The following ZNF148 variants were observed in gnomAD, a reference collection of about 807,000 sequenced individuals.
ZNF148 encodes zinc finger protein 148, also known as Beta-Enolase Repressor Factor-1.
In ZNF148, 7 loss-of-function variants were observed where a neutral mutation model predicts 67.7. The ratio of observed to expected loss-of-function variants is 0.10; its 90% CI spans 0.06 to 0.19. The LOEUF (loss-of-function observed/expected upper bound fraction) is 0.19, where lower values mean the gene tolerates loss of function less well. Ranked by LOEUF, ZNF148 falls within the 10% of genes least tolerant of loss-of-function variation. ZNF148 has a pLI of 1.00. For synonymous variants in ZNF148, 333 were observed against 330.7 expected (o/e 1.01, Z -0.08); for missense variants, 583 against 947.1 (o/e 0.62, Z 5.05).
intron 2 of ZNF148, among the ~76,000 whole-genome samples, chr3:125,323,736 G>A (rs575841083): frequency 2.6e-5 from 4 of 152,120 alleles, no homozygotes; most frequent in East Asian, 3.9e-4. Context: ...CGAGGCAGGC[G>A]GATCACGAGG....
intron 7 of ZNF148, among the ~76,000 whole-genome samples, chr3:125,240,231 C>G (rs997613608): frequency 1.3e-5 from 2 of 152,092 alleles, no homozygotes; most frequent in East Asian, 1.9e-4. Context: ...CAGCGCCTCA[C>G]GTCTGTCATC....
chr3:125,351,871 A>G (rs1418561462), intron 1 of ZNF148, among the ~76,000 whole-genome samples: 1 of 152,238 alleles, frequency 6.6e-6, no homozygotes, highest in East Asian at 1.9e-4. Context: ...CAGCATAGCT[A>G]TAATCAAAAA....
chr3:125,234,150 CTAATTTA>C (rs1240913230), intron 8 of ZNF148, 54 bp downstream of exon 8: 4 of 1,273,722 alleles, frequency 3.1e-6, no homozygotes, highest in African/African-American at 1.5e-5. Flanking sequence ...ATTTTCTAAT[CTAATTTA>C]TAATTATTGT....
chr3:125,303,049 C>T (rs1939677565), intron 4 of ZNF148, among the ~76,000 whole-genome samples: 1 of 152,204 alleles, frequency 6.6e-6, no homozygotes, highest in Non-Finnish European at 1.5e-5. Flanking sequence ...ATTACTGATA[C>T]ATGCAACAAC....
At chr3:125,281,135 AC>A (rs1420316513) in intron 5 of ZNF148, among the ~76,000 whole-genome samples, 9 of 152,212 alleles carry the variant, frequency 5.9e-5, no homozygotes, top group Non-Finnish European at 7.3e-5. Flanking sequence ...TTCTGGGCAA[AC>A]AGCCAATGTG....
At chr3:125,339,642 G>A (rs946666596) in intron 1 of ZNF148, among the ~76,000 whole-genome samples, 3 of 152,072 alleles carry the variant, frequency 2.0e-5, no homozygotes, top group Non-Finnish European at 4.4e-5. Flanking sequence ...AGTAAACAAG[G>A]CTGTACATTT....
chr3:125,342,001 G>GT lies in ZNF148; in HGVS notation c.-233-10764_-233-10763insA, dbSNP rs1559769653. 5.1e-4 allele frequency among the ~76,000 whole-genome samples: 77 copies of GT among 149,554 alleles called. 1 individual carries two copies. The East Asian group carries it at 0.012, about 23-fold the overall frequency. On this transcript the variant is annotated intron_variant, in intron 1 of 8. Coordinates refer to ENST00000360647, the MANE Select transcript of ZNF148 (RefSeq NM_021964.3). ...CAGAGCCACACTCTGTTTCGGGGCG[G>GT]GGGGGGGAATGGAAATCATGGGGAA...
intron 7 of ZNF148, among the ~76,000 whole-genome samples, chr3:125,254,446 T>C (rs776562895): frequency 1.3e-5 from 2 of 152,224 alleles, no homozygotes; most frequent in Non-Finnish European, 2.9e-5. Flanking sequence ...CTTTGGTCTC[T>C]TGTACTACTG....
chr3:125,344,735 T>A, intron 1 of ZNF148: 1 of 551,982 alleles, frequency 1.8e-6, no homozygotes, highest in Non-Finnish European at 3.4e-6. Flanking sequence ...TCCATTATGC[T>A]TTTTTAATAT....
chr3:125,234,457 T>C (rs1935990418), intron 7 of ZNF148, 128 bp from the exon 8 acceptor site: 3 of 674,548 alleles, frequency 4.4e-6, no homozygotes, highest in Non-Finnish European at 7.6e-6. Flanking sequence ...GTCAAATATA[T>C]TTTGCTTTAT....
chr3:125,355,354 A>G (rs1334083299), intron 1 of ZNF148, among the ~76,000 whole-genome samples: 2 of 152,150 alleles, frequency 1.3e-5, no homozygotes, highest in Non-Finnish European at 2.9e-5. Context: ...TTTCTTTGTC[A>G]TGGGGACTGT....
In ZNF148 at chr3:125,226,869, C is replaced by G. The variant is rs1284845496; in HGVS notation, c.*5472G>C. 2.6e-5 allele frequency: 4 copies of G among 152,136 alleles called. No homozygotes were observed. The highest frequency in any genetic ancestry group is 4.4e-5 in the Non-Finnish European group (3 of 67,994). The allele number at this position is 152,136 out of a possible 1,614,324, so 9.4% of individuals were successfully genotyped here. A position where few individuals can be genotyped will look rare whatever the true frequency, so the allele number is the denominator to read the frequency against. On this transcript the variant is annotated 3_prime_UTR_variant, in exon 9 of 9. Coordinates refer to ENST00000360647, the MANE Select transcript of ZNF148 (RefSeq NM_021964.3). Reference sequence around the variant, plus strand: ...GTTTATATTTAAAAATATCACAAATCTCTTTTTATTTAACACTGAAAATTT... The same window carrying G: ...GTTTATATTTAAAAATATCACAAATGTCTTTTTATTTAACACTGAAAATTT...
chr3:125,329,336 T>C lies in ZNF148; in HGVS notation c.-153+1822A>G, dbSNP rs551093545. ...AGATATATATATAATTTTTTATATA[T>C]ATATAAAATTTTACATATATAAAAT... is the stretch of plus-strand genomic sequence containing the variant. On this transcript the variant is annotated intron_variant, in intron 2 of 8. Transcript: ENST00000360647. Among the ~76,000 whole-genome samples the C allele has an allele frequency of 6.2e-4, 50 of 81,286 alleles. 1 individual carries two copies. In the East Asian group the frequency reaches 0.036, roughly 58 times the overall value. 53.3% of individuals were successfully genotyped at this position (81,286 alleles called of 152,430 possible).
intron 4 of ZNF148, among the ~76,000 whole-genome samples, chr3:125,309,754 C>T (rs1197211915): frequency 6.6e-6 from 1 of 152,202 alleles, no homozygotes; most frequent in Non-Finnish European, 1.5e-5. Flanking sequence ...TAGAAACTAT[C>T]TGAAAGATAC....
intron 4 of ZNF148, chr3:125,292,816 A>G (rs1244091073): frequency 6.6e-6 from 1 of 152,170 alleles, no homozygotes; most frequent in African/African-American, 2.4e-5. Context: ...TACTTTCACA[A>G]TAGTAGCTGC....
At chr3:125,366,817 AT>A (rs1475862018) in intron 1 of ZNF148, among the ~76,000 whole-genome samples, 1 of 152,158 alleles carries the variant, frequency 6.6e-6, no homozygotes, top group African/African-American at 2.4e-5. Context: ...ATCTTTGCCA[AT>A]CAAAATCCTA....
At chr3:125,368,790 A>G (rs1397853634) in intron 1 of ZNF148, among the ~76,000 whole-genome samples, 1 of 150,134 alleles carries the variant, frequency 6.7e-6, no homozygotes, top group Non-Finnish European at 1.5e-5. Flanking sequence ...ACTAAAAAAT[A>G]CAAAAAATTG....
intron 4 of ZNF148, among the ~76,000 whole-genome samples, chr3:125,309,300 G>C (rs1002310342): frequency 1.3e-5 from 2 of 152,072 alleles, no homozygotes; most frequent in Admixed American, 1.3e-4. Context: ...CCCAGGTATT[G>C]AGAACACAAA....
intron 2 of ZNF148, among the ~76,000 whole-genome samples, chr3:125,324,184 T>TAA (rs71625789): frequency 3.3e-5 from 5 of 151,310 alleles, no homozygotes; most frequent in Non-Finnish European, 7.4e-5. Flanking sequence ...AGTATAATAA[T>TAA]AAAAAAAATA....
Sources: allele counts gnomAD v4.1 joint callset (sites outside exome capture counted in the v4.1 genomes callset), GRCh38; gene constraint gnomAD v4.1.1; transcripts MANE v1.5; gene names NCBI Gene and HGNC (gene_info 2026-07-23, HGNC 2026-07-21).